USP30: variants seen among roughly 807,000 people sequenced by gnomAD.
USP30 encodes the protein ubiquitin carboxyl-terminal hydrolase 30.
Under a neutral mutation model 68.2 loss-of-function variants are expected in USP30, and 41 were observed. The ratio of observed to expected loss-of-function variants is 0.60; its 90% CI spans 0.47 to 0.78. USP30 has a LOEUF of 0.78. USP30 is among the 30% of genes least tolerant of loss of function. USP30 has a pLI of 0.00. For synonymous variants in USP30, 229 were observed against 253.7 expected, an observed-to-expected ratio of 0.90 and a Z score of 0.93; for missense variants, 522 against 649.4, an observed-to-expected ratio of 0.80 and a Z score of 2.13.
At chr12:109,039,795 G>C (rs1354588163) in intron 3 of USP30, among the ~76,000 whole-genome samples, 1 of 152,160 alleles carries the variant, frequency 6.6e-6, no homozygotes, top group Non-Finnish European at 1.5e-5. Context: ...ATTTTTGGTA[G>C]AGATGTGGTT....
chr12:109,068,207 A>G (rs975579460), intron 4 of USP30, among the ~76,000 whole-genome samples: 1 of 152,208 alleles, frequency 6.6e-6, no homozygotes, highest in African/African-American at 2.4e-5. Flanking sequence ...AGAGGCCAAG[A>G]GAATGAAGTT....
At chr12:109,062,530 G>A (rs568785511) in intron 3 of USP30, among the ~76,000 whole-genome samples, 5 of 151,524 alleles carry the variant, frequency 3.3e-5, no homozygotes, top group East Asian at 3.9e-4. Context: ...GGGTTTCACC[G>A]TGTTAGCCAG....
chr12:109,084,968 G>A lies in USP30; in HGVS notation c.1184G>A (p.Gly395Glu), dbSNP rs2041904588. The part of the protein sequence containing the change: ...GAPTPVLNQP[G>E]APKTQIFMNG... ...TCTCTTGCAGTTCTGAATCAGCCAG[G>A]GGCCCCCAAAACACAGATTTTTATG... The change falls in exon 12 of 13, where the codon GGG (glycine) becomes GAG (glutamate). Residue 395 changes from glycine to glutamate, a missense_variant. Coordinates refer to ENST00000257548, the MANE Select transcript of USP30 (RefSeq NM_032663.5). The A allele has an allele frequency of 1.9e-6, 3 of 1,598,440 alleles. No homozygotes were observed. Among genetic ancestry groups the A allele is most frequent in the Non-Finnish European group, 2.6e-6 (3 of 1,171,066 alleles).
At chr12:109,033,296 G>A (rs1240203964) in intron 3 of USP30, among the ~76,000 whole-genome samples, 2 of 152,192 alleles carry the variant, frequency 1.3e-5, no homozygotes, top group African/African-American at 4.8e-5. Flanking sequence ...AGCGAAGTTT[G>A]GAGGTTTTAT....
intron 3 of USP30, among the ~76,000 whole-genome samples, chr12:109,061,428 A>G (rs1480858791): frequency 6.7e-6 from 1 of 148,496 alleles, no homozygotes; most frequent in Non-Finnish European, 1.5e-5. Flanking sequence ...TTTTTTTTAG[A>G]CAGGGTTCTT....
Position 109,087,644 on chromosome 12 carries a change from A to G in USP30, c.*1713A>G, listed in dbSNP as rs1349667041. On this transcript the variant is annotated 3_prime_UTR_variant, in exon 13 of 13. Transcript: ENST00000257548. ...TACTGCAAAGCTGTAGCTTTAAGTA[A>G]TTGCTGTTCTGCCACTGCTTACTCT... 1 of 152,344 alleles carries G rather than the reference A, an allele frequency of 6.6e-6. No individual in the cohort carries two copies. Among genetic ancestry groups the G allele is most frequent in the Non-Finnish European group, 1.5e-5 (1 of 68,156 alleles). The allele number at this position is 152,344 out of a possible 1,614,324, so 9.4% of individuals were successfully genotyped here.
rs1287643305 is a variant in USP30 at position 109,029,781 on chromosome 12, T to C, written c.-136+2225T>C. ...TGCTCCTACTCTGTCAGACAGGGCATATGGCAGTCCATAACAGAGAACACA... is the reference window on the plus strand; with the variant it reads ...TGCTCCTACTCTGTCAGACAGGGCACATGGCAGTCCATAACAGAGAACACA... On this transcript the variant is annotated intron_variant, in intron 3 of 15. Transcript: ENST00000392784. Among the ~76,000 whole-genome samples the C allele has an allele frequency of 3.3e-5, 5 of 152,166 alleles. No homozygotes were observed. In the South Asian group the frequency reaches 1.0e-3, roughly 32 times the overall value.
At chr12:109,029,326 G>A (rs978068592) in intron 3 of USP30, among the ~76,000 whole-genome samples, 1 of 152,194 alleles carries the variant, frequency 6.6e-6, no homozygotes, top group Non-Finnish European at 1.5e-5. Flanking sequence ...TAGGTCAGAG[G>A]CACTCTCTCT....
intron 1 of USP30, chr12:109,054,670 C>T (rs1350142468): frequency 6.6e-6 from 1 of 152,136 alleles, no homozygotes; most frequent in African/African-American, 2.4e-5. Flanking sequence ...TTATTTAATC[C>T]TCACAACAGC....
upstream of USP30, among the ~76,000 whole-genome samples, chr12:109,050,837 T>C (rs2040657166): frequency 6.6e-6 from 1 of 152,078 alleles, no homozygotes; most frequent in Admixed American, 6.5e-5. Context: ...AAACCCCGTC[T>C]CTACTAAAAA....
intron 8 of USP30, chr12:109,081,706 G>T: frequency 1.6e-6 from 1 of 606,542 alleles, no homozygotes; most frequent in Admixed American, 3.0e-5. Context: ...CAGCGTGGAA[G>T]TCCACAAGTT....
rs554999941 is a variant in USP30, at chr12:109,054,284, G to C, written c.83+1523G>C. Among the ~76,000 whole-genome samples the C allele has an allele frequency of 3.3e-3, 504 of 152,318 alleles. 5 individuals carry two copies. The highest frequency in any genetic ancestry group is 0.021 in the South Asian group (103 of 4,832). ...ACCTGTAATCCCAGCTCTTTGGAAG[G>C]CTGAGGCAGGTGGATTTCTTGAGCT... is the stretch of plus-strand genomic sequence containing the variant. On this transcript the variant is annotated intron_variant, in intron 1 of 12. Transcript: ENST00000257548.
chr12:109,040,215 TG>T (rs893202962), intron 3 of USP30, among the ~76,000 whole-genome samples: 36 of 152,114 alleles, frequency 2.4e-4, no homozygotes, highest in African/African-American at 8.4e-4. Context: ...ACCTGAAGTT[TG>T]GGGAAACTTT....
At chr12:109,050,440 G>A (rs981570526), upstream of USP30, among the ~76,000 whole-genome samples, 12 of 152,072 alleles carry the variant, frequency 7.9e-5, no homozygotes, top group African/African-American at 2.4e-4. Flanking sequence ...AAAGAGATCC[G>A]GAGAACAAAA....
At chr12:109,058,708 T>C (rs745406073) in intron 3 of USP30, among the ~76,000 whole-genome samples, 20 of 151,950 alleles carry the variant, frequency 1.3e-4, no homozygotes, top group Admixed American at 1.3e-4. Flanking sequence ...TTCAAAAACA[T>C]TAAAGTAAAA....
intron 3 of USP30, among the ~76,000 whole-genome samples, chr12:109,034,288 GT>G (rs1299453444): frequency 6.6e-6 from 1 of 152,090 alleles, no homozygotes. Context: ...CCAAATTCCT[GT>G]TTGTTATTGA....
At chr12:109,045,141 G>C (rs1233734570) in intron 3 of USP30, among the ~76,000 whole-genome samples, 3 of 151,998 alleles carry the variant, frequency 2.0e-5, no homozygotes, top group African/African-American at 7.2e-5. Flanking sequence ...ACCATGCCTG[G>C]CTAATTTTTG....
At chr12:109,036,511 A>G (rs1244218279) in intron 3 of USP30, among the ~76,000 whole-genome samples, 4 of 151,900 alleles carry the variant, frequency 2.6e-5, no homozygotes, top group African/African-American at 9.7e-5. Flanking sequence ...TTGGCCTGGC[A>G]GGTCTCAAAC....
intron 7 of USP30, among the ~76,000 whole-genome samples, chr12:109,080,522 TTCA>T (rs919301281): frequency 6.6e-6 from 1 of 152,174 alleles, no homozygotes; most frequent in African/African-American, 2.4e-5. Flanking sequence ...CTCACCCTAC[TTCA>T]TCGTCTCCTT....
Sources: allele counts gnomAD v4.1 joint callset (sites outside exome capture counted in the v4.1 genomes callset), GRCh38; gene constraint gnomAD v4.1.1; transcripts MANE v1.5; gene names NCBI Gene and HGNC (gene_info 2026-07-23, HGNC 2026-07-21).